LIFR: variants seen among roughly 807,000 people sequenced by gnomAD.
LIFR encodes the protein LIF receptor subunit alpha.
A neutral mutation model predicts 122.2 loss-of-function variants in LIFR; 84 were observed. The observed-to-expected ratio is 0.69, with a 90% CI of 0.58 to 0.82. The LOEUF is 0.82. Ranked by LOEUF, LIFR falls within the 40% of genes least tolerant of loss-of-function variation. The pLI is 0.00. For synonymous variants in LIFR, 422 were observed against 434.7 expected, an observed-to-expected ratio of 0.97 and a Z score of 0.36; for missense variants, 1,294 against 1,311.6, an observed-to-expected ratio of 0.99 and a Z score of 0.21.
intron 5 of LIFR, among the ~76,000 whole-genome samples, chr5:38,513,903 T>C (rs940713538): frequency 2.0e-5 from 3 of 151,432 alleles, no homozygotes; most frequent in South Asian, 4.2e-4. Flanking sequence ...AAGTCAATAA[T>C]TGAAAAGAAA....
At chr5:38,495,641 T>TTA (rs1260058749) in intron 13 of LIFR, among the ~76,000 whole-genome samples, 1 of 152,160 alleles carries the variant, frequency 6.6e-6, no homozygotes, top group Non-Finnish European at 1.5e-5. Context: ...GGAGCTGTGG[T>TTA]TACAGAAAGG....
At chr5:38,582,498 A>G (rs1232465921) in intron 1 of LIFR, among the ~76,000 whole-genome samples, 1 of 152,180 alleles carries the variant, frequency 6.6e-6, no homozygotes, top group Admixed American at 6.5e-5. Flanking sequence ...GAGATATGCT[A>G]TTTATGCAAA....
chr5:38,545,881 A>G (rs1299041571), intron 1 of LIFR, among the ~76,000 whole-genome samples: 13 of 150,000 alleles, frequency 8.7e-5, no homozygotes, highest in Admixed American at 8.6e-4. Flanking sequence ...GAAAAAAAAA[A>G]AAAAAAGAAA....
At chr5:38,559,398 T>G (rs184867830), upstream of LIFR, among the ~76,000 whole-genome samples, 2 of 152,332 alleles carry the variant, frequency 1.3e-5, no homozygotes, top group East Asian at 3.9e-4. Flanking sequence ...AGAATAAATT[T>G]TTCTTATCTG....
At chr5:38,568,659 G>T (rs1170683555) in intron 1 of LIFR, among the ~76,000 whole-genome samples, 1 of 152,138 alleles carries the variant, frequency 6.6e-6, no homozygotes, top group Admixed American at 6.5e-5. Context: ...TAGCTATGCT[G>T]GTTGGGCATC....
chr5:38,494,571 C>T (rs891051692), intron 13 of LIFR, among the ~76,000 whole-genome samples: 8 of 152,038 alleles, frequency 5.3e-5, no homozygotes, highest in Non-Finnish European at 1.0e-4. Flanking sequence ...GAACCCCAGG[C>T]TGGGGGTGAA....
At chr5:38,522,120 T>C (rs1191733728) in intron 5 of LIFR, among the ~76,000 whole-genome samples, 5 of 152,190 alleles carry the variant, frequency 3.3e-5, no homozygotes, top group Non-Finnish European at 5.9e-5. Context: ...ATGGTAGCCA[T>C]AGGCATGCAA....
chr5:38,480,705 C>G lies in LIFR; in HGVS notation c.*890G>C. The G allele has an allele frequency of 4.8e-6, 1 of 210,370 alleles. No homozygotes were observed. Among genetic ancestry groups the G allele is most frequent in the Non-Finnish European group, 9.6e-6 (1 of 103,730 alleles). 13.0% of individuals were successfully genotyped at this position (210,370 alleles called of 1,614,324 possible). A position where few individuals can be genotyped will look rare whatever the true frequency, so the allele number is the denominator to read the frequency against. ...AGTAGTCATCTCACATAGTAAGTCA[C>G]TGGAATTACATGCTTATGAATAATA... On this transcript the variant is annotated 3_prime_UTR_variant, in exon 20 of 20. Transcript: ENST00000453190.
upstream of LIFR, chr5:38,558,027 T>C (rs1748675832): frequency 6.6e-6 from 1 of 152,152 alleles, no homozygotes; most frequent in Non-Finnish European, 1.5e-5. Context: ...GTCTTTTCCA[T>C]TAGGCACAGT....
rs765348703 is a variant in LIFR at position 38,550,016 on chromosome 5, TG to T, written c.-20+6317del. ...TGGTGCACAAATGCACTATAACCAC[TG>T]CTAAAGACTGGTCACTGTACACATA... On this transcript the variant is annotated intron_variant, in intron 1 of 19. Coordinates refer to ENST00000453190, the MANE Select transcript of LIFR (RefSeq NM_001127671.2). Among the ~76,000 whole-genome samples the T allele has an allele frequency of 1.2e-4, 18 of 152,314 alleles. 2 individuals carry two copies. In the Middle Eastern group the frequency reaches 0.031, roughly 259 times the overall value.
chr5:38,490,080 C>T, intron 15 of LIFR, 110 bp downstream of exon 15: 2 of 406,626 alleles, frequency 4.9e-6, no homozygotes, highest in Non-Finnish European at 9.2e-6. Context: ...ATTATTTTAC[C>T]TTCCTTCAAT....
chr5:38,533,723 T>A (rs1026173700), intron 1 of LIFR, among the ~76,000 whole-genome samples: 2 of 152,002 alleles, frequency 1.3e-5, no homozygotes, highest in African/African-American at 4.8e-5. Flanking sequence ...TGGGGACAGG[T>A]AGGTAGAGAC....
Position 38,490,169 on chromosome 5 carries a change from A to G in LIFR, c.2167+21T>C, listed in dbSNP as rs3110971. On this transcript the variant is annotated intron_variant, in intron 15 of 19. Transcript: ENST00000453190. ...CTCATGTTGCCTTGAGCTCTTATAA[A>G]TAAGTACCCATTTAACTTACCCAAT... 214,438 of 1,066,060 alleles carry G rather than the reference A, an allele frequency of 0.2. 23,611 individuals carry two copies. Among genetic ancestry groups the G allele is most frequent in the Admixed American group, 0.27 (14,637 of 54,984 alleles). 66.0% of individuals were successfully genotyped at this position (1,066,060 alleles called of 1,614,324 possible). A position where few individuals can be genotyped will look rare whatever the true frequency, so the allele number is the denominator to read the frequency against.
chr5:38,598,420 T>C (rs906715261), upstream of LIFR, among the ~76,000 whole-genome samples: 19 of 151,656 alleles, frequency 1.3e-4, no homozygotes, highest in Admixed American at 1.2e-3. Flanking sequence ...CTAATTTTTG[T>C]ATTTTTGTAG....
At chr5:38,538,740 C>T (rs781039459) in intron 1 of LIFR, among the ~76,000 whole-genome samples, 1 of 152,196 alleles carries the variant, frequency 6.6e-6, no homozygotes, top group Admixed American at 6.5e-5. Flanking sequence ...ATTTACAACC[C>T]TCTGGCAAGG....
chr5:38,589,157 C>T (rs143464574), intron 1 of LIFR, among the ~76,000 whole-genome samples: 1,824 of 151,950 alleles, frequency 0.012, 35 homozygotes, highest in African/African-American at 0.041. Context: ...GCCACCACGC[C>T]CAGCTAATTT....
At chr5:38,532,441 TATTCC>T (rs1580129605) in intron 1 of LIFR, among the ~76,000 whole-genome samples, 2 of 152,154 alleles carry the variant, frequency 1.3e-5, no homozygotes, top group East Asian at 3.8e-4. Flanking sequence ...GAAGCTGTAA[TATTCC>T]ATTCCTGCTG....
intron 1 of LIFR, among the ~76,000 whole-genome samples, chr5:38,565,818 G>A (rs990057888): frequency 6.6e-6 from 1 of 152,044 alleles, no homozygotes; most frequent in African/African-American, 2.4e-5. Context: ...CCAGACCTCA[G>A]GTGATCCCCC....
intron 3 of LIFR, among the ~76,000 whole-genome samples, chr5:38,528,308 C>T (rs73749271): frequency 0.031 from 4,692 of 152,162 alleles, 224 homozygotes; most frequent in African/African-American, 0.1. Flanking sequence ...CCCAGGGGAG[C>T]AGGGGGCCAG....
Sources: gnomAD v4.1 joint callset for allele counts (sites outside exome capture counted in the v4.1 genomes callset) on GRCh38, gnomAD v4.1.1 for gene constraint, MANE v1.5 for transcripts, NCBI Gene and HGNC (gene_info 2026-07-23, HGNC 2026-07-21) for gene names.